Variants in IL1RAPL1 observed in about 807,000 individuals in gnomAD.
IL1RAPL1 encodes interleukin-1 receptor accessory protein-like 1.
In IL1RAPL1, 3 loss-of-function variants were observed where a neutral mutation model predicts 48.4. The observed-to-expected ratio is 0.06, with a 90% confidence interval of 0.03 to 0.16. The LOEUF (loss-of-function observed/expected upper bound fraction) is 0.16. Ranked by LOEUF, IL1RAPL1 falls within the 10% of genes least tolerant of loss-of-function variation. The pLI, the probability that IL1RAPL1 is intolerant of heterozygous loss-of-function variation, is 1.00. For missense variants in IL1RAPL1, 349 were observed against 530.6 expected (o/e 0.66, Z 3.36); for synonymous variants, 185 against 187.7 (o/e 0.99, Z 0.12).
At chrX:28,774,543 A>G (rs773965236) in intron 1 of IL1RAPL1, among the ~76,000 whole-genome samples, 1 of 111,547 alleles carries the variant, frequency 9.0e-6, no homozygotes, top group Admixed American at 9.6e-5. Context: ...TTCTTACCAC[A>G]TGGTCTTTTC....
At chrX:29,304,953 A>C (rs902565911) in intron 3 of IL1RAPL1, among the ~76,000 whole-genome samples, 1 of 111,703 alleles carries the variant, frequency 9.0e-6, no homozygotes, top group Admixed American at 9.5e-5. Flanking sequence ...CCCTCTACCC[A>C]TTATTTAATA....
At chrX:29,054,729 A>C (rs956435344) in intron 2 of IL1RAPL1, among the ~76,000 whole-genome samples, 7 of 112,318 alleles carry the variant, frequency 6.2e-5, no homozygotes, top group Non-Finnish European at 1.3e-4. Flanking sequence ...AACCCAGGGC[A>C]CTGGAGCCAT....
At chrX:29,236,805 A>G (rs59307929) in intron 2 of IL1RAPL1, among the ~76,000 whole-genome samples, 4 of 105,440 alleles carry the variant, frequency 3.8e-5, no homozygotes, top group East Asian at 3.0e-4. Flanking sequence ...TCCTGACCTC[A>G]TGATCTGCCC....
intron 2 of IL1RAPL1, among the ~76,000 whole-genome samples, chrX:29,245,696 A>G (rs1194737613): frequency 1.8e-5 from 2 of 111,972 alleles, no homozygotes; most frequent in Middle Eastern, 4.2e-3. Context: ...AGATGGATAG[A>G]TTGCAAAAAT....
chrX:28,873,678 C>T (rs1179811252), intron 2 of IL1RAPL1, among the ~76,000 whole-genome samples: 1 of 107,836 alleles, frequency 9.3e-6, no homozygotes, highest in Admixed American at 1.0e-4. Flanking sequence ...ACTACAGGAG[C>T]CCGCCACCAC....
At chrX:29,781,477 T>C (rs986704594) in intron 6 of IL1RAPL1, among the ~76,000 whole-genome samples, 2 of 112,055 alleles carry the variant, frequency 1.8e-5, no homozygotes, top group African/African-American at 6.5e-5. Flanking sequence ...CCTAAATAAA[T>C]CATATGACTA....
At chrX:28,710,009 T>C (rs933165173) in intron 1 of IL1RAPL1, among the ~76,000 whole-genome samples, 1 of 111,829 alleles carries the variant, frequency 8.9e-6, no homozygotes, top group Admixed American at 9.6e-5. Context: ...CTCATCTATT[T>C]TTATAGACAG....
intron 3 of IL1RAPL1, among the ~76,000 whole-genome samples, chrX:29,390,443 T>G (rs1236959254): frequency 8.9e-6 from 1 of 112,057 alleles, no homozygotes; most frequent in Non-Finnish European, 1.9e-5. Context: ...ACTTAATCCT[T>G]TTAAAAAGTT....
Position 29,942,342 on chromosome X carries a change from A to G in IL1RAPL1, c.1201+548A>G, listed in dbSNP as rs1349919236. Among the ~76,000 whole-genome samples, 7 of 111,912 alleles carry G rather than the reference A, an allele frequency of 6.3e-5. No homozygotes were observed. The East Asian group carries it at 1.4e-3, about 22-fold the overall frequency. ...GACCAACAGAAAAATGCACAAGCAC[A>G]TTAATTTCATAGTAATGCATCTCAT... On this transcript the variant is annotated intron_variant, in intron 9 of 10. Coordinates refer to ENST00000378993, the MANE Select transcript of IL1RAPL1 (RefSeq NM_014271.4).
At chrX:29,465,577 A>G (rs1251046223) in intron 5 of IL1RAPL1, among the ~76,000 whole-genome samples, 1 of 111,828 alleles carries the variant, frequency 8.9e-6, no homozygotes, top group African/African-American at 3.3e-5. Context: ...TTTAACAACC[A>G]ACTGATGTCT....
intron 5 of IL1RAPL1, among the ~76,000 whole-genome samples, chrX:29,498,036 T>C (rs980648477): frequency 8.9e-6 from 1 of 112,424 alleles, no homozygotes; most frequent in African/African-American, 3.2e-5. Context: ...AAAAATTTCT[T>C]ACTAGTTACT....
chrX:29,604,431 C>G (rs1045764851), intron 5 of IL1RAPL1, among the ~76,000 whole-genome samples: 2 of 111,745 alleles, frequency 1.8e-5, no homozygotes, highest in Non-Finnish European at 3.8e-5. Flanking sequence ...TGTTACTTTA[C>G]TTTTATTTTA....
At chrX:28,920,448 T>C (rs1331895584) in intron 2 of IL1RAPL1, among the ~76,000 whole-genome samples, 1 of 111,982 alleles carries the variant, frequency 8.9e-6, no homozygotes, top group East Asian at 2.8e-4. Context: ...GCCTGAAAAG[T>C]ACTATTTTTC....
chrX:29,522,128 G>C (rs749173580), intron 5 of IL1RAPL1, among the ~76,000 whole-genome samples: 6 of 111,542 alleles, frequency 5.4e-5, no homozygotes, highest in Non-Finnish European at 7.5e-5. Context: ...AGCCTAACTT[G>C]ACCATTCATT....
chrX:29,448,016 C>T (rs1403830089), intron 5 of IL1RAPL1, among the ~76,000 whole-genome samples: 2 of 111,610 alleles, frequency 1.8e-5, no homozygotes, highest in South Asian at 3.7e-4. Flanking sequence ...ACTTCAAGTA[C>T]ATTTAAAGTT....
chrX:29,568,621 T>A (rs930605806), intron 5 of IL1RAPL1, among the ~76,000 whole-genome samples: 7 of 111,193 alleles, frequency 6.3e-5, no homozygotes, highest in African/African-American at 2.3e-4. Context: ...ATCAAATGAA[T>A]TCTCAAGTGG....
chrX:29,177,824 A>G (rs1296646189), intron 2 of IL1RAPL1, among the ~76,000 whole-genome samples: 1 of 111,035 alleles, frequency 9.0e-6, no homozygotes, highest in Non-Finnish European at 1.9e-5. Flanking sequence ...GTTCCCACTT[A>G]TGAGTGAGAA....
At chrX:29,793,953 T>C (rs1427528003) in intron 6 of IL1RAPL1, among the ~76,000 whole-genome samples, 1 of 112,203 alleles carries the variant, frequency 8.9e-6, no homozygotes, top group East Asian at 2.8e-4. Context: ...GTGGATTAGC[T>C]AACAGTAGGG....
chrX:29,626,824 T>C (rs778069858), intron 5 of IL1RAPL1, among the ~76,000 whole-genome samples: 1 of 111,795 alleles, frequency 8.9e-6, no homozygotes, highest in Non-Finnish European at 1.9e-5. Context: ...TCACTTTTGC[T>C]AAACTTAGTT....
Sources: gnomAD v4.1 joint callset for allele counts (sites outside exome capture counted in the v4.1 genomes callset) on GRCh38, gnomAD v4.1.1 for gene constraint, MANE v1.5 for transcripts, NCBI Gene and HGNC (gene_info 2026-07-23, HGNC 2026-07-21) for gene names.